The following KCNQ1OT1 variants were observed in gnomAD, a reference collection of about 807,000 sequenced individuals.
KCNQ1OT1 encodes the protein KCNQ1 opposite strand/antisense transcript 1.
chr11:2,679,986 T>C lies in KCNQ1OT1; in HGVS notation n.20009A>G. ...TCGGCTTACTGCAACCTCTACCTCCTGGGTTCAAGCAATTCTCCTGCCTTA... is the reference window on the plus strand; with the variant it reads ...TCGGCTTACTGCAACCTCTACCTCCCGGGTTCAAGCAATTCTCCTGCCTTA... On this transcript the variant is annotated non_coding_transcript_exon_variant, in exon 1 of 1. Transcript: ENST00000597346. This position sits in a 1 kb window ranked among gnomAD's most constrained non-coding sequence, Gnocchi z 4.8. The C allele has an allele frequency of 2.5e-6, 1 of 397,042 alleles. No homozygotes were observed. Among genetic ancestry groups the C allele is most frequent in the Middle Eastern group, 6.3e-4 (1 of 1,576 alleles). 24.6% of individuals were successfully genotyped at this position (397,042 alleles called of 1,614,324 possible). A position where few individuals can be genotyped will look rare whatever the true frequency, so the allele number is the denominator to read the frequency against.
exon 1 of KCNQ1OT1, chr11:2,656,971 T>C (rs1849861452): frequency 1.0e-5 from 4 of 398,528 alleles, no homozygotes; most frequent in African/African-American, 6.2e-5. Flanking sequence ...GAACATTTGA[T>C]TGAAAAGTCC....
chr11:2,631,694 G>A (rs2133817068), exon 1 of KCNQ1OT1: 1 of 398,534 alleles, frequency 2.5e-6, no homozygotes, highest in East Asian at 3.6e-5. Flanking sequence ...GGAGTGTTAA[G>A]TAGGTAGGGT....
chr11:2,610,749 T>C (rs946905036), exon 1 of KCNQ1OT1: 1 of 383,954 alleles, frequency 2.6e-6, no homozygotes, highest in African/African-American at 2.2e-5. Flanking sequence ...TTTTTTTACT[T>C]TGAGCACTTG....
In KCNQ1OT1 at chr11:2,657,647, T is replaced by C. The variant is rs1849873631; in HGVS notation, n.42348A>G. 2.5e-6 allele frequency: 1 copy of C among 398,518 alleles called. No homozygotes were observed. The highest frequency in any genetic ancestry group is 4.4e-6 in the Non-Finnish European group (1 of 226,070). The allele number at this position is 398,518 out of a possible 1,614,324, so 24.7% of individuals were successfully genotyped here. A position where few individuals can be genotyped will look rare whatever the true frequency, so the allele number is the denominator to read the frequency against. ...TATTAAGCTAGAGTTATAAATTTATTTGGATTTCCCCAGTTTAACTACTAA... is the reference window on the plus strand; with the variant it reads ...TATTAAGCTAGAGTTATAAATTTATCTGGATTTCCCCAGTTTAACTACTAA... On this transcript the variant is annotated non_coding_transcript_exon_variant, in exon 1 of 1. Transcript: ENST00000597346. The surrounding 1 kb of genome is among the most constrained non-coding windows in gnomAD (Gnocchi z 4.8).
chr11:2,624,884 G>A lies in KCNQ1OT1; in HGVS notation n.75111C>T, dbSNP rs752324669. 2.3e-5 allele frequency: 9 copies of A among 398,244 alleles called. No individual in the cohort carries two copies. The highest frequency in any genetic ancestry group is 6.2e-4 in the Middle Eastern group (1 of 1,610). 24.7% of individuals were successfully genotyped at this position (398,244 alleles called of 1,614,324 possible). A position where few individuals can be genotyped will look rare whatever the true frequency, so the allele number is the denominator to read the frequency against. On this transcript the variant is annotated non_coding_transcript_exon_variant, in exon 1 of 1. Transcript: ENST00000597346. The surrounding 1 kb of genome is among the most constrained non-coding windows in gnomAD (Gnocchi z 4.9). The stretch of plus-strand genomic sequence containing the variant: ...GTATTTCATTTAACATAATGGCCTC[G>A]AGGTTCATCCATGTTGTGGCATGTG...
chr11:2,620,404 C>T lies in KCNQ1OT1; in HGVS notation n.79591G>A, dbSNP rs1849150080. The T allele has an allele frequency of 4.4e-6, 1 of 225,770 alleles. No homozygotes were observed. 14.0% of individuals were successfully genotyped at this position (225,770 alleles called of 1,614,324 possible). Reference sequence around the variant, plus strand: ...GCTAATTTTGTAGTTTTAGTAGAGACAGGGTTTTTCCATGTTGGTCAGGCT... The same window carrying T: ...GCTAATTTTGTAGTTTTAGTAGAGATAGGGTTTTTCCATGTTGGTCAGGCT... On this transcript the variant is annotated non_coding_transcript_exon_variant, in exon 1 of 1. Transcript: ENST00000597346. This position sits in a 1 kb window ranked among gnomAD's most constrained non-coding sequence, Gnocchi z 4.5.
chr11:2,648,631 G>T (rs565962269), exon 1 of KCNQ1OT1: 1 of 398,504 alleles, frequency 2.5e-6, no homozygotes, highest in Non-Finnish European at 4.4e-6. Flanking sequence ...TGTGGTCTGA[G>T]AAGATACTTG....
chr11:2,680,060 AT>A (rs563953512), exon 1 of KCNQ1OT1: 6,843 of 288,576 alleles, frequency 0.024, no homozygotes, highest in Middle Eastern at 0.049. Context: ...TGACTGGCTA[AT>A]TTTTTTTTTT....
rs3831584 is a variant in KCNQ1OT1 at position 2,682,475 on chromosome 11, C to CGAGTGAGT, written n.17512_17519dup. ...TCACGGACCCTCAGTGAATGTTTGA[C>CGAGTGAGT]GAGTGAGTGAGTGAGTGAGTGAGTG... On this transcript the variant is annotated non_coding_transcript_exon_variant, in exon 1 of 1. Transcript: ENST00000597346. This position sits in a 1 kb window ranked among gnomAD's most constrained non-coding sequence, Gnocchi z 5.8. The CGAGTGAGT allele has an allele frequency of 0.38, 149,256 of 393,532 alleles. 30,245 individuals carry two copies. The highest frequency in any genetic ancestry group is 0.79 in the East Asian group (21,535 of 27,216). 24.4% of individuals were successfully genotyped at this position (393,532 alleles called of 1,614,324 possible). A position where few individuals can be genotyped will look rare whatever the true frequency, so the allele number is the denominator to read the frequency against.
chr11:2,685,980 G>A, exon 1 of KCNQ1OT1: 1 of 398,684 alleles, frequency 2.5e-6, no homozygotes, highest in Non-Finnish European at 4.4e-6. Flanking sequence ...GTACACTCTG[G>A]GCCTCAGACT....
chr11:2,662,626 C>T (rs745403766), exon 1 of KCNQ1OT1: 3 of 410,462 alleles, frequency 7.3e-6, no homozygotes, highest in African/African-American at 6.1e-5. Context: ...AGGCCAATCC[C>T]CGGTGCCCGG....
chr11:2,612,411 T>A lies in KCNQ1OT1; in HGVS notation n.87584A>T. 1 of 398,626 alleles carries A rather than the reference T, an allele frequency of 2.5e-6. No homozygotes were observed. The highest frequency in any genetic ancestry group is 4.4e-6 in the Non-Finnish European group (1 of 226,066). The allele number at this position is 398,626 out of a possible 1,614,324, so 24.7% of individuals were successfully genotyped here. A position where few individuals can be genotyped will look rare whatever the true frequency, so the allele number is the denominator to read the frequency against. On this transcript the variant is annotated non_coding_transcript_exon_variant, in exon 1 of 1. Transcript: ENST00000597346. This position sits in a 1 kb window ranked among gnomAD's most constrained non-coding sequence, Gnocchi z 5.5. ...GGGACCACTATATTATGGTATCCAA[T>A]GGGTATCTCTTCATTTTTCTTCATT...
chr11:2,632,835 T>C, exon 1 of KCNQ1OT1: 1 of 398,438 alleles, frequency 2.5e-6, no homozygotes, highest in Non-Finnish European at 4.4e-6. Context: ...GAGATTTAAG[T>C]TGATTCCATA....
exon 1 of KCNQ1OT1, chr11:2,622,792 A>G (rs1397010774): frequency 2.5e-6 from 1 of 398,484 alleles, no homozygotes; most frequent in African/African-American, 2.1e-5. Context: ...CCGTATACCC[A>G]CTGCACCCAT....
rs1849264070 is a variant in KCNQ1OT1, at chr11:2,626,480, CT to C, written n.73514del. The C allele has an allele frequency of 2.5e-6, 1 of 398,464 alleles. No homozygotes were observed. 24.7% of individuals were successfully genotyped at this position (398,464 alleles called of 1,614,324 possible). ...TATTCAATTCCATTGGTCTCTACAT[CT>C]TTATGTCAATACCACATAGTTTTGA... is the stretch of plus-strand genomic sequence containing the variant. On this transcript the variant is annotated non_coding_transcript_exon_variant, in exon 1 of 1. Transcript: ENST00000597346. This position sits in a 1 kb window ranked among gnomAD's most constrained non-coding sequence, Gnocchi z 4.0.
At chr11:2,641,555 G>A (rs968738885) in exon 1 of KCNQ1OT1, 7 of 398,310 alleles carry the variant, frequency 1.8e-5, no homozygotes, top group Admixed American at 8.8e-5. Flanking sequence ...CAGATGAGTA[G>A]TTTGCAAATA....
Position 2,652,706 on chromosome 11 carries a change from C to T in KCNQ1OT1, n.47289G>A, listed in dbSNP as rs1849775807. On this transcript the variant is annotated non_coding_transcript_exon_variant, in exon 1 of 1. Coordinates refer to ENST00000597346, the Ensembl canonical transcript of KCNQ1OT1. This position sits in a 1 kb window ranked among gnomAD's most constrained non-coding sequence, Gnocchi z 5.9. ...GTGGGTGGCTGTGTTGCTCTCTTTC[C>T]GTTTCCTGGGCTCACTCACGCTCAG... is the stretch of plus-strand genomic sequence containing the variant. 3 of 398,856 alleles carry T rather than the reference C, an allele frequency of 7.5e-6. No homozygotes were observed. The highest frequency in any genetic ancestry group is 1.3e-5 in the Non-Finnish European group (3 of 226,308). The allele number at this position is 398,856 out of a possible 1,614,324, so 24.7% of individuals were successfully genotyped here.
chr11:2,656,638 C>T, exon 1 of KCNQ1OT1: 1 of 398,352 alleles, frequency 2.5e-6, no homozygotes. Flanking sequence ...TATATTTTTC[C>T]TATTGATTTG....
exon 1 of KCNQ1OT1, chr11:2,639,649 C>G (rs1361143053): frequency 1.3e-5 from 2 of 152,426 alleles, no homozygotes; most frequent in Non-Finnish European, 2.9e-5. Flanking sequence ...AGTTAGGCTA[C>G]TCGGGGGTCA....
Sources: gnomAD v4.1 joint callset for allele counts on GRCh38, gnomAD v4.1.1 for gene constraint, Gnocchi (gnomAD v3.1) non-coding constraint, MANE v1.5 for transcripts, NCBI Gene and HGNC (gene_info 2026-07-23, HGNC 2026-07-21) for gene names.